LRP1B: variants seen among roughly 807,000 people sequenced by gnomAD.
The protein encoded by LRP1B is LDL receptor related protein 1B.
In LRP1B, 217 loss-of-function variants were observed where a neutral mutation model predicts 556.6. The observed-to-expected ratio is 0.39, with a 90% confidence interval of 0.35 to 0.44. The LOEUF is 0.44. LRP1B is among the 20% of genes least tolerant of loss of function. LRP1B has a pLI of 1.00. For synonymous variants in LRP1B, 2,047 were observed against 1,865.8 expected (o/e 1.10, Z -2.50); for missense variants, 5,053 against 5,620.8 (o/e 0.90, Z 3.23).
At chr2:140,982,863 T>TC (rs973453650) in intron 17 of LRP1B, among the ~76,000 whole-genome samples, 4 of 151,796 alleles carry the variant, frequency 2.6e-5, no homozygotes, top group Admixed American at 2.0e-4. Flanking sequence ...TAAGGTGTTT[T>TC]TTTTTTTAAC....
intron 2 of LRP1B, among the ~76,000 whole-genome samples, chr2:141,761,821 C>A (rs1694562323): frequency 6.6e-6 from 1 of 152,100 alleles, no homozygotes; most frequent in Non-Finnish European, 1.5e-5. Context: ...CTGTGAACTA[C>A]CTCAAGCTAG....
intron 1 of LRP1B, among the ~76,000 whole-genome samples, chr2:141,827,287 G>T (rs986094631): frequency 6.6e-6 from 1 of 152,080 alleles, no homozygotes; most frequent in Non-Finnish European, 1.5e-5. Context: ...AAATATCTTT[G>T]CCCTTTTACT....
chr2:141,566,729 T>G (rs1330789646), intron 2 of LRP1B, among the ~76,000 whole-genome samples: 1 of 152,170 alleles, frequency 6.6e-6, no homozygotes, highest in Non-Finnish European at 1.5e-5. Flanking sequence ...TGCAATGTCA[T>G]GCACCTGTTG....
intron 1 of LRP1B, among the ~76,000 whole-genome samples, chr2:142,014,661 G>C (rs891782382): frequency 6.6e-6 from 1 of 152,188 alleles, no homozygotes; most frequent in Admixed American, 6.5e-5. Flanking sequence ...GAAGTGGATA[G>C]TTGACTGTCA....
At chr2:140,502,028 C>T (rs1335650763) in intron 54 of LRP1B, among the ~76,000 whole-genome samples, 154 bp from the exon 55 acceptor site, 1 of 152,004 alleles carries the variant, frequency 6.6e-6, no homozygotes, top group African/African-American at 2.4e-5. Context: ...TAATATCTTA[C>T]ACCTAAAGTT....
chr2:140,876,539 C>T (rs1307276939), intron 25 of LRP1B, among the ~76,000 whole-genome samples: 1 of 152,128 alleles, frequency 6.6e-6, no homozygotes, highest in African/African-American at 2.4e-5. Context: ...TCAATAAAAG[C>T]CCCTTGCAAA....
At chr2:141,187,664 A>G (rs1276854628) in intron 7 of LRP1B, among the ~76,000 whole-genome samples, 2 of 152,084 alleles carry the variant, frequency 1.3e-5, no homozygotes, top group Non-Finnish European at 2.9e-5. Context: ...TTTGTAAAAT[A>G]AAAGCATAAT....
chr2:141,409,461 A>T (rs1374332486), intron 3 of LRP1B, among the ~76,000 whole-genome samples: 1 of 152,132 alleles, frequency 6.6e-6, no homozygotes, highest in African/African-American at 2.4e-5. Context: ...TAGTACATAC[A>T]TAAGAGACGT....
rs542320847 is a variant in LRP1B, at chr2:140,937,282, G to A, written c.3136+12953C>T. 9.9e-5 allele frequency among the ~76,000 whole-genome samples: 15 copies of A among 152,140 alleles called. No homozygotes were observed. The South Asian group carries it at 2.9e-3, about 29-fold the overall frequency. On this transcript the variant is annotated intron_variant, in intron 20 of 90. Transcript: ENST00000389484. ...AAGACTTAATAAAGGAAGGAAATAC[G>A]GACATATGCTACAGTATGGAAGAAA...
chr2:140,757,355 C>A (rs568258992), intron 35 of LRP1B, among the ~76,000 whole-genome samples: 2 of 152,256 alleles, frequency 1.3e-5, no homozygotes, highest in South Asian at 4.1e-4. Flanking sequence ...ATGATCCTAG[C>A]AGCTTTATTT....
At chr2:141,050,360 G>T (rs937547010) in intron 10 of LRP1B, among the ~76,000 whole-genome samples, 2 of 151,636 alleles carry the variant, frequency 1.3e-5, no homozygotes, top group African/African-American at 4.8e-5. Flanking sequence ...TTAAGTTCTG[G>T]GTACATATGC....
chr2:141,069,501 A>G (rs961977854), intron 7 of LRP1B, among the ~76,000 whole-genome samples: 1 of 152,050 alleles, frequency 6.6e-6, no homozygotes, highest in African/African-American at 2.4e-5. Context: ...TCTAGGCCCT[A>G]TCAGCAAGAG....
intron 82 of LRP1B, among the ~76,000 whole-genome samples, chr2:140,315,804 C>T (rs1055560188): frequency 2.6e-5 from 4 of 152,068 alleles, no homozygotes; most frequent in African/African-American, 9.7e-5. Flanking sequence ...TGTGAATATA[C>T]ATAGTATAGA....
intron 83 of LRP1B, among the ~76,000 whole-genome samples, chr2:140,311,629 C>T (rs1315758131): frequency 6.6e-6 from 1 of 151,720 alleles, no homozygotes; most frequent in Non-Finnish European, 1.5e-5. Flanking sequence ...ACAATATATC[C>T]ATGTAACAAA....
intron 6 of LRP1B, among the ~76,000 whole-genome samples, chr2:141,212,549 G>T (rs112288612): frequency 4.6e-5 from 7 of 151,558 alleles, no homozygotes; most frequent in African/African-American, 1.7e-4. Context: ...CTCCCAGAGT[G>T]CTAGGATTAC....
intron 47 of LRP1B, among the ~76,000 whole-genome samples, chr2:140,532,522 G>A (rs1201352404): frequency 2.6e-5 from 4 of 151,858 alleles, no homozygotes; most frequent in East Asian, 1.9e-4. Flanking sequence ...TCAGCATCCC[G>A]AGTAGCTGGG....
intron 1 of LRP1B, among the ~76,000 whole-genome samples, chr2:142,042,936 C>T (rs537065756): frequency 6.7e-6 from 1 of 149,298 alleles, no homozygotes; most frequent in African/African-American, 2.4e-5. Context: ...AATTGTGATG[C>T]TTCAAGAGGG....
At chr2:141,560,587 T>G (rs546421785) in intron 2 of LRP1B, among the ~76,000 whole-genome samples, 1 of 151,618 alleles carries the variant, frequency 6.6e-6, no homozygotes, top group Non-Finnish European at 1.5e-5. Flanking sequence ...GAAATTCTGT[T>G]TATGTTTTAG....
chr2:141,776,116 G>A (rs574854308), intron 2 of LRP1B, among the ~76,000 whole-genome samples: 1 of 152,080 alleles, frequency 6.6e-6, no homozygotes, highest in South Asian at 2.1e-4. Context: ...AAAGTGCTGG[G>A]ATTACAGGCA....
Sources: gnomAD v4.1 joint callset for allele counts (sites outside exome capture counted in the v4.1 genomes callset) on GRCh38, gnomAD v4.1.1 for gene constraint, MANE v1.5 for transcripts, NCBI Gene and HGNC (gene_info 2026-07-23, HGNC 2026-07-21) for gene names.